The following LRRC37A2 variants were observed in gnomAD, a reference collection of about 807,000 sequenced individuals.
LRRC37A2 encodes leucine rich repeat containing 37 member A2.
LRRC37A2 carries 9 observed loss-of-function variants against 68.8 expected under a neutral mutation model. The ratio of observed to expected loss-of-function variants is 0.13; its 90% CI spans 0.08 to 0.23. The LOEUF (loss-of-function observed/expected upper bound fraction) is 0.23, where lower values mean the gene tolerates loss of function less well. LRRC37A2 is among the 10% of genes least tolerant of loss of function. The pLI is 1.00. For synonymous variants in LRRC37A2, 63 were observed against 367.6 expected (o/e 0.17, Z 9.48); for missense variants, 168 against 950.4 (o/e 0.18, Z 10.82).
the LRRC37A2 span, among the ~76,000 whole-genome samples, chr17:46,746,471 A>G: frequency 6.6e-6 from 1 of 152,146 alleles, no homozygotes; most frequent in Non-Finnish European, 1.5e-5. Flanking sequence ...AATTGAAATT[A>G]TTTTGGTTTC....
At chr17:46,860,387 A>T in the LRRC37A2 span, among the ~76,000 whole-genome samples, 1 of 152,186 alleles carries the variant, frequency 6.6e-6, no homozygotes, top group Non-Finnish European at 1.5e-5. Context: ...CCATCCTGGC[A>T]TCAGCATGAG....
chr17:46,850,030 A>T, the LRRC37A2 span, among the ~76,000 whole-genome samples: 11 of 152,074 alleles, frequency 7.2e-5, no homozygotes, highest in Non-Finnish European at 1.3e-4. Context: ...TTGTATTTTT[A>T]GGAGAGACAG....
the LRRC37A2 span, among the ~76,000 whole-genome samples, chr17:46,740,928 T>A: frequency 9.2e-5 from 14 of 152,140 alleles, no homozygotes; most frequent in African/African-American, 2.7e-4. Context: ...TCTTCTTAAT[T>A]TATTTAACCT....
At chr17:46,905,804 G>T in the LRRC37A2 span, among the ~76,000 whole-genome samples, 1 of 108,190 alleles carries the variant, frequency 9.2e-6, no homozygotes, top group African/African-American at 3.2e-5. Flanking sequence ...GTGTGTGTGT[G>T]TGTGTGTGTG....
chr17:46,837,839 C>T, the LRRC37A2 span, among the ~76,000 whole-genome samples: 1 of 152,180 alleles, frequency 6.6e-6, no homozygotes, highest in South Asian at 2.1e-4. Flanking sequence ...GGTTACACCA[C>T]ATATGAGGAC....
chr17:47,021,705 C>A, the LRRC37A2 span: 3 of 737,368 alleles, frequency 4.1e-6, no homozygotes, highest in East Asian at 2.6e-5. Flanking sequence ...ATTGTGCAAA[C>A]TGGGAAGCTG....
At chr17:46,809,134 A>G in the LRRC37A2 span, among the ~76,000 whole-genome samples, 7 of 152,136 alleles carry the variant, frequency 4.6e-5, no homozygotes, top group African/African-American at 1.7e-4. Context: ...GGGGTTTGTG[A>G]AAGTTACAAC....
exon 10 of LRRC37A2, chr17:46,548,718 C>T: frequency 6.2e-7 from 1 of 1,609,674 alleles, no homozygotes; most frequent in Non-Finnish European, 8.5e-7. Context: ...AACAGGGTGC[C>T]CAGGCATCTG....
At chr17:46,923,912 G>A in the LRRC37A2 span, 1 of 397,766 alleles carries the variant, frequency 2.5e-6, no homozygotes, top group South Asian at 1.3e-4. Context: ...GGGGGCGGGG[G>A]GCAGAATTAT....
chr17:46,838,237 G>A, the LRRC37A2 span, among the ~76,000 whole-genome samples: 2 of 151,950 alleles, frequency 1.3e-5, no homozygotes, highest in African/African-American at 4.8e-5. Context: ...CACATAATTG[G>A]TGGTAAGGTG....
At chr17:46,840,353 T>C in the LRRC37A2 span, among the ~76,000 whole-genome samples, 3 of 152,196 alleles carry the variant, frequency 2.0e-5, no homozygotes, top group South Asian at 6.2e-4. Context: ...CCCAAAGTGC[T>C]GGGATTACAG....
the LRRC37A2 span, among the ~76,000 whole-genome samples, chr17:46,736,374 A>G: frequency 3.8e-4 from 58 of 152,258 alleles, no homozygotes; most frequent in Non-Finnish European, 6.5e-4. Flanking sequence ...TCATGGTGCA[A>G]CAAAGTGGTG....
chr17:46,811,446 G>A, the LRRC37A2 span, among the ~76,000 whole-genome samples: 6 of 152,268 alleles, frequency 3.9e-5, no homozygotes, highest in Non-Finnish European at 5.9e-5. Context: ...TGGCAGAACC[G>A]TTGTGCACCT....
chr17:46,775,909 G>A, the LRRC37A2 span, among the ~76,000 whole-genome samples: 4 of 152,140 alleles, frequency 2.6e-5, no homozygotes, highest in African/African-American at 4.8e-5. Flanking sequence ...CACCACGCCC[G>A]GCCCAGAAGT....
the LRRC37A2 span, among the ~76,000 whole-genome samples, chr17:46,888,265 G>A: frequency 6.6e-6 from 1 of 152,062 alleles, no homozygotes; most frequent in South Asian, 2.1e-4. Context: ...GGAGGGAGAG[G>A]GATGCAGGTG....
At chr17:46,977,783 T>G in the LRRC37A2 span, among the ~76,000 whole-genome samples, 2 of 152,220 alleles carry the variant, frequency 1.3e-5, no homozygotes, top group African/African-American at 4.8e-5. Context: ...TAATTAAACT[T>G]TTAACTAGAT....
At chr17:46,939,206 C>T in the LRRC37A2 span, 11 of 1,079,266 alleles carry the variant, frequency 1.0e-5, no homozygotes, top group African/African-American at 3.3e-5. Flanking sequence ...GGCCTTTTCT[C>T]ACAGCCATTA....
chr17:46,873,533 C>T, the LRRC37A2 span, among the ~76,000 whole-genome samples: 1 of 152,126 alleles, frequency 6.6e-6, no homozygotes, highest in African/African-American at 2.4e-5. Flanking sequence ...CTGTCAATTG[C>T]CCCTTAAACT....
the LRRC37A2 span, among the ~76,000 whole-genome samples, chr17:46,478,601 C>A: frequency 9.1e-6 from 1 of 110,200 alleles, no homozygotes; most frequent in Admixed American, 8.9e-5. Flanking sequence ...AGACCCTGTG[C>A]TAGGAGTTAA....
Sources: allele counts gnomAD v4.1 joint callset (sites outside exome capture counted in the v4.1 genomes callset), GRCh38; gene constraint gnomAD v4.1.1; transcripts MANE v1.5; gene names NCBI Gene and HGNC (gene_info 2026-07-23, HGNC 2026-07-21).